The following ZC3H12B variants were observed in gnomAD, a reference collection of about 807,000 sequenced individuals.
ZC3H12B encodes zinc finger CCCH-type containing 12B, also known as probable ribonuclease ZC3H12B.
A neutral mutation model predicts 43.9 loss-of-function variants in ZC3H12B; 7 were observed. The observed-to-expected ratio is 0.16, with a 90% CI of 0.09 to 0.30. The LOEUF (loss-of-function observed/expected upper bound fraction) is 0.30. Among genes scored for constraint, ZC3H12B ranks in the 10% least tolerant of loss-of-function variants. The pLI is 1.00. For missense variants in ZC3H12B, 475 were observed against 670.2 expected (o/e 0.71, Z 3.22); for synonymous variants, 222 against 241.7 (o/e 0.92, Z 0.76).
chrX:65,277,491 T>A, the ZC3H12B span, among the ~76,000 whole-genome samples: 6 of 111,876 alleles, frequency 5.4e-5, no homozygotes, highest in African/African-American at 1.9e-4. Context: ...AAAAAAAATT[T>A]AAAAAATCAA....
At chrX:65,448,382 C>T (rs2067409355) in intron 3 of ZC3H12B, among the ~76,000 whole-genome samples, 1 of 112,154 alleles carries the variant, frequency 8.9e-6, no homozygotes, top group Non-Finnish European at 1.9e-5. Flanking sequence ...CCAGCAATCC[C>T]ACTACAGGGT....
At position 65,394,472 on chromosome X, in the gene ZC3H12B, T is replaced by C. The variant is rs922405909; in HGVS notation, n.296-4121T>C. 9.8e-5 allele frequency among the ~76,000 whole-genome samples: 11 copies of C among 112,352 alleles called. No individual in the cohort carries two copies. The Admixed American group carries it at 1.0e-3, about 11-fold the overall frequency. On this transcript the variant is annotated intron_variant and non_coding_transcript_variant, in intron 2 of 5. Coordinates refer to the ZC3H12B transcript ENST00000617377. ...ATTAAATAGCGAATCTTTTCCCTAT[T>C]GCTTGTTTTTGTCAGGTTTGTCAAA...
At chrX:65,171,401 A>G in the ZC3H12B span, among the ~76,000 whole-genome samples, 1 of 110,618 alleles carries the variant, frequency 9.0e-6, no homozygotes, top group Non-Finnish European at 1.9e-5. Flanking sequence ...CTTCCTCTGG[A>G]AGCTTCATCT....
the ZC3H12B span, among the ~76,000 whole-genome samples, chrX:65,139,190 C>T: frequency 1.8e-5 from 2 of 111,992 alleles, no homozygotes; most frequent in East Asian, 5.6e-4. Flanking sequence ...AACTAGTCTT[C>T]TATGTTATCT....
chrX:65,442,990 T>TG (rs2067323229), intron 3 of ZC3H12B, among the ~76,000 whole-genome samples: 1 of 110,557 alleles, frequency 9.0e-6, no homozygotes, highest in Non-Finnish European at 1.9e-5. Flanking sequence ...AAGAAAGATT[T>TG]GGGGGGTCAT....
chrX:65,154,708 G>T, the ZC3H12B span, among the ~76,000 whole-genome samples: 1 of 111,296 alleles, frequency 9.0e-6, no homozygotes, highest in African/African-American at 3.3e-5. Flanking sequence ...AATTAGCTGG[G>T]TGTGTTGCAT....
the ZC3H12B span, among the ~76,000 whole-genome samples, chrX:65,256,086 C>G: frequency 1.8e-5 from 2 of 111,884 alleles, no homozygotes. Context: ...ACAATAATAG[C>G]AGGAGACTTC....
At chrX:65,298,914 C>T in the ZC3H12B span, among the ~76,000 whole-genome samples, 1 of 111,478 alleles carries the variant, frequency 9.0e-6, no homozygotes, top group Non-Finnish European at 1.9e-5. Context: ...GGGGGAATAG[C>T]CCCTTATAAA....
the ZC3H12B span, among the ~76,000 whole-genome samples, chrX:65,336,384 G>A: frequency 1.8e-5 from 2 of 112,093 alleles, no homozygotes; most frequent in Non-Finnish European, 3.8e-5. Context: ...GGAACCAAAA[G>A]CAAAACTCTC....
intron 3 of ZC3H12B, among the ~76,000 whole-genome samples, chrX:65,445,886 T>A (rs1328561576): frequency 8.9e-6 from 1 of 112,017 alleles, no homozygotes; most frequent in East Asian, 2.8e-4. Flanking sequence ...TGCTTTTTAC[T>A]CTTTCCTCTT....
chrX:65,335,491 T>G, the ZC3H12B span, among the ~76,000 whole-genome samples: 10 of 112,061 alleles, frequency 8.9e-5, no homozygotes, highest in African/African-American at 3.2e-4. Flanking sequence ...CAAGGTATTT[T>G]CAAAGAGGTG....
chrX:65,253,908 G>T, the ZC3H12B span, among the ~76,000 whole-genome samples: 1 of 112,074 alleles, frequency 8.9e-6, no homozygotes, highest in South Asian at 3.7e-4. Context: ...GTGAGCAGAG[G>T]CAGACATTGA....
intron 3 of ZC3H12B, among the ~76,000 whole-genome samples, chrX:65,400,519 T>G (rs961151406): frequency 8.9e-6 from 1 of 112,122 alleles, no homozygotes; most frequent in Non-Finnish European, 1.9e-5. Context: ...ACAAATTGTA[T>G]TGAATTCACC....
chrX:65,171,444 C>G, the ZC3H12B span, among the ~76,000 whole-genome samples: 5 of 110,815 alleles, frequency 4.5e-5, no homozygotes, highest in Admixed American at 9.6e-5. Flanking sequence ...AGGTGTCAGT[C>G]GGCCCGTATT....
the ZC3H12B span, among the ~76,000 whole-genome samples, chrX:65,180,422 G>A: frequency 3.8e-3 from 427 of 111,709 alleles, 4 homozygotes; most frequent in African/African-American, 0.013. Flanking sequence ...AAACCTGGAA[G>A]CATTTCTTTT....
rs185654178 is a variant in ZC3H12B at position 65,480,795 on chromosome X, G to C, written n.408-7851G>C. On this transcript the variant is annotated intron_variant and non_coding_transcript_variant, in intron 3 of 5. Coordinates refer to the ZC3H12B transcript ENST00000617377. Reference sequence around the variant, plus strand: ...CGGGAGGCGGAGTTTGCAGTGAGCCGAGATTATGCCATTGCACTCCAGCCT... The same window carrying C: ...CGGGAGGCGGAGTTTGCAGTGAGCCCAGATTATGCCATTGCACTCCAGCCT... Among the ~76,000 whole-genome samples the C allele has an allele frequency of 3.7e-3, 399 of 106,560 alleles. 4 individuals are homozygous for C. Among genetic ancestry groups the C allele is most frequent in the African/African-American group, 0.013 (375 of 28,359 alleles). The allele number at this position is 106,560 out of a possible 115,157, so 92.5% of individuals were successfully genotyped here.
chrX:65,376,664 C>T (rs1345430137), intron 2 of ZC3H12B, among the ~76,000 whole-genome samples: 8 of 111,995 alleles, frequency 7.1e-5, no homozygotes, highest in African/African-American at 2.6e-4. Context: ...TTATCCAAGG[C>T]CACCAAAGTG....
chrX:65,334,644 C>G, the ZC3H12B span, among the ~76,000 whole-genome samples: 3 of 111,112 alleles, frequency 2.7e-5, no homozygotes, highest in Non-Finnish European at 5.7e-5. Context: ...AGAAGAAGAT[C>G]CAGTAGTTAT....
chrX:65,416,713 C>G (rs749107941), intron 3 of ZC3H12B, among the ~76,000 whole-genome samples: 1 of 107,695 alleles, frequency 9.3e-6, no homozygotes, highest in Non-Finnish European at 1.9e-5. Flanking sequence ...TGGTGTGAAC[C>G]GGAAGGCGGA....
Sources: allele counts gnomAD v4.1 joint callset (sites outside exome capture counted in the v4.1 genomes callset), GRCh38; gene constraint gnomAD v4.1.1; transcripts MANE v1.5; gene names NCBI Gene and HGNC (gene_info 2026-07-23, HGNC 2026-07-21).